UGGT2: variants seen among roughly 807,000 people sequenced by gnomAD.
UGGT2 encodes the protein UDP-glucose:glycoprotein glucosyltransferase 2.
UGGT2 carries 180 observed loss-of-function variants against 192.1 expected under a neutral mutation model. That is an observed-to-expected ratio of 0.94 (90% CI 0.83 to 1.06). The LOEUF is 1.06. Among genes scored for constraint, UGGT2 ranks in the 50% least tolerant of loss-of-function variants. The probability of loss-of-function intolerance (pLI) is 0.00; values close to 1 mark genes in which losing one functional copy is unlikely to be tolerated. For missense variants in UGGT2, 1,849 were observed against 1,795.7 expected, an observed-to-expected ratio of 1.03 and a Z score of -0.54; for synonymous variants, 580 against 591.0, an observed-to-expected ratio of 0.98 and a Z score of 0.27.
intron 8 of UGGT2, 132 bp from the exon 9 acceptor site, chr13:95,986,564 C>G: frequency 1.8e-6 from 1 of 547,818 alleles, no homozygotes; most frequent in Non-Finnish European, 3.0e-6. Context: ...ACTGTTACAT[C>G]TGCATTTTTA....
At chr13:96,051,851 G>A (rs988597956) in intron 1 of UGGT2, among the ~76,000 whole-genome samples, 1 of 152,264 alleles carries the variant, frequency 6.6e-6, no homozygotes, top group Admixed American at 6.5e-5. Flanking sequence ...TGGATGCAGC[G>A]AACAGGGAAC....
chr13:95,931,651 TG>T (rs1461380019), intron 17 of UGGT2, among the ~76,000 whole-genome samples: 5 of 151,966 alleles, frequency 3.3e-5, no homozygotes, highest in African/African-American at 1.2e-4. Context: ...AGCACAGTGC[TG>T]GCCCAGCGCA....
chr13:95,873,717 T>C (rs1891422072), intron 29 of UGGT2, among the ~76,000 whole-genome samples: 1 of 152,158 alleles, frequency 6.6e-6, no homozygotes. Context: ...TGGTGGTGTA[T>C]TAAATTTGCA....
intron 20 of UGGT2, among the ~76,000 whole-genome samples, chr13:95,924,284 G>A (rs992075495): frequency 6.6e-6 from 1 of 151,324 alleles, no homozygotes. Context: ...AACAACTGGG[G>A]AAAGGGAGTT....
At chr13:96,053,081 G>A (rs1253827697) in intron 1 of UGGT2, 74 bp downstream of exon 1, 1 of 1,396,202 alleles carries the variant, frequency 7.2e-7, no homozygotes, top group East Asian at 3.0e-5. Flanking sequence ...CACCCGCTGC[G>A]AGCACGAAGA....
chr13:96,041,907 A>T (rs2053175625), intron 1 of UGGT2, among the ~76,000 whole-genome samples: 1 of 151,940 alleles, frequency 6.6e-6, no homozygotes, highest in African/African-American at 2.4e-5. Context: ...ATGCCCTAGA[A>T]ATGCCCCTAT....
intron 22 of UGGT2, among the ~76,000 whole-genome samples, 166 bp downstream of exon 22, chr13:95,900,641 T>C (rs2048077604): frequency 6.6e-6 from 1 of 152,156 alleles, no homozygotes; most frequent in Non-Finnish European, 1.5e-5. Flanking sequence ...ATGGGAAGTG[T>C]GTCATGACCC....
intron 27 of UGGT2, among the ~76,000 whole-genome samples, chr13:95,882,545 T>A (rs762912176): frequency 6.6e-6 from 1 of 152,158 alleles, no homozygotes; most frequent in Non-Finnish European, 1.5e-5. Context: ...TAGCACACAA[T>A]GAAAAAGATG....
At chr13:96,051,902 C>T (rs2053497277) in intron 1 of UGGT2, among the ~76,000 whole-genome samples, 1 of 152,168 alleles carries the variant, frequency 6.6e-6, no homozygotes, top group Non-Finnish European at 1.5e-5. Flanking sequence ...AGTATAACCA[C>T]TATGGAAAAC....
chr13:95,905,511 A>G (rs1328019049), intron 20 of UGGT2, among the ~76,000 whole-genome samples: 2 of 151,802 alleles, frequency 1.3e-5, no homozygotes, highest in Non-Finnish European at 2.9e-5. Context: ...AGCTTTCTAC[A>G]TATGGCTAGC....
chr13:95,805,623 CAT>C (rs60334061), intron 38 of UGGT2, among the ~76,000 whole-genome samples: 1,797 of 152,206 alleles, frequency 0.012, 36 homozygotes, highest in African/African-American at 0.041. Flanking sequence ...AATTCTGTCA[CAT>C]GTTACAACAT....
At chr13:96,007,647 T>C (rs1347079350) in intron 5 of UGGT2, among the ~76,000 whole-genome samples, 1 of 152,122 alleles carries the variant, frequency 6.6e-6, no homozygotes, top group African/African-American at 2.4e-5. Context: ...ACTATTTATA[T>C]ACACAAATAG....
chr13:95,836,455 G>A (rs1887300879), intron 37 of UGGT2, among the ~76,000 whole-genome samples: 1 of 152,132 alleles, frequency 6.6e-6, no homozygotes, highest in African/African-American at 2.4e-5. Flanking sequence ...CTCCTCGCTG[G>A]CATCTGGGAA....
At chr13:96,048,853 C>T (rs1026770124) in intron 1 of UGGT2, among the ~76,000 whole-genome samples, 4 of 151,958 alleles carry the variant, frequency 2.6e-5, no homozygotes, top group Non-Finnish European at 5.9e-5. Flanking sequence ...GCCTACCAAA[C>T]AAAAAAAGTC....
At chr13:95,879,111 C>T (rs961194809) in intron 27 of UGGT2, among the ~76,000 whole-genome samples, 3 of 152,144 alleles carry the variant, frequency 2.0e-5, no homozygotes, top group Non-Finnish European at 4.4e-5. Flanking sequence ...TCAACACCCT[C>T]ACTTTACAGA....
At chr13:95,923,571 TA>T (rs1416517136) in intron 20 of UGGT2, among the ~76,000 whole-genome samples, 2 of 152,132 alleles carry the variant, frequency 1.3e-5, no homozygotes, top group African/African-American at 4.8e-5. Flanking sequence ...TCATTTTTAA[TA>T]AACTATTCTC....
At chr13:95,918,423 C>T (rs558696562) in intron 20 of UGGT2, among the ~76,000 whole-genome samples, 2 of 152,088 alleles carry the variant, frequency 1.3e-5, no homozygotes, top group South Asian at 2.1e-4. Flanking sequence ...CACATCAAAA[C>T]GCTAGAAAGA....
intron 1 of UGGT2, among the ~76,000 whole-genome samples, chr13:96,034,614 G>A (rs2052942985): frequency 6.6e-6 from 1 of 152,250 alleles, no homozygotes; most frequent in African/African-American, 2.4e-5. Flanking sequence ...CCCTGAGCCA[G>A]AGCTGTGACA....
intron 10 of UGGT2, among the ~76,000 whole-genome samples, chr13:95,982,471 A>T (rs1236215089): frequency 6.6e-6 from 1 of 152,160 alleles, no homozygotes; most frequent in Non-Finnish European, 1.5e-5. Flanking sequence ...GAAAGCCCAT[A>T]TGCATAATAG....
Sources: gnomAD v4.1 joint callset for allele counts (sites outside exome capture counted in the v4.1 genomes callset) on GRCh38, gnomAD v4.1.1 for gene constraint, MANE v1.5 for transcripts, NCBI Gene and HGNC (gene_info 2026-07-23, HGNC 2026-07-21) for gene names.